Variants in RUNDC3B observed in about 807,000 individuals in gnomAD.
RUNDC3B encodes the protein RUN domain containing 3B.
A neutral mutation model predicts 58.4 loss-of-function variants in RUNDC3B; 33 were observed. The observed-to-expected ratio is 0.56, with a 90% confidence interval of 0.43 to 0.75. The LOEUF is 0.75. Among genes scored for constraint, RUNDC3B ranks in the 30% least tolerant of loss-of-function variants. The probability of loss-of-function intolerance (pLI) is 0.00; values close to 1 mark genes in which losing one functional copy is unlikely to be tolerated. For synonymous variants in RUNDC3B, 193 were observed against 195.2 expected (o/e 0.99, Z 0.10); for missense variants, 501 against 535.7 (o/e 0.94, Z 0.64).
At position 87,781,981 on chromosome 7, in the gene RUNDC3B, A is replaced by T. The variant is rs564206090; in HGVS notation, c.956+4026A>T. ...TGTCTTTCATTTTGGTATCAAGATG[A>T]TGCTGGCTTCCTAGAATGTGTTACA... On this transcript the variant is annotated intron_variant, in intron 8 of 10. Coordinates refer to ENST00000394654, the MANE Select transcript of RUNDC3B (RefSeq NM_001134405.2). 2.6e-5 allele frequency among the ~76,000 whole-genome samples: 4 copies of T among 152,160 alleles called. No homozygotes were observed. In the East Asian group the frequency reaches 5.8e-4, roughly 22 times the overall value.
At chr7:87,678,835 G>T (rs1030698631) in intron 2 of RUNDC3B, among the ~76,000 whole-genome samples, 1 of 152,076 alleles carries the variant, frequency 6.6e-6, no homozygotes, top group African/African-American at 2.4e-5. Flanking sequence ...GATAAAGTTG[G>T]ACATTTACAT....
intron 10 of RUNDC3B, among the ~76,000 whole-genome samples, chr7:87,822,068 G>T (rs1176088654): frequency 1.3e-5 from 2 of 152,058 alleles, no homozygotes; most frequent in Admixed American, 1.3e-4. Context: ...AAGAGCTTCT[G>T]CACAGCAAAA....
intron 7 of RUNDC3B, among the ~76,000 whole-genome samples, chr7:87,775,905 G>T (rs190985537): frequency 1.3e-5 from 2 of 152,272 alleles, no homozygotes; most frequent in East Asian, 3.9e-4. Flanking sequence ...TGGCAAAATT[G>T]CTTAGCAACA....
At chr7:87,800,749 T>C (rs1280117067) in intron 8 of RUNDC3B, among the ~76,000 whole-genome samples, 1 of 151,698 alleles carries the variant, frequency 6.6e-6, no homozygotes, top group African/African-American at 2.4e-5. Context: ...CAGGCTTAAG[T>C]GATCCTACCA....
At chr7:87,778,101 T>A (rs988281219) in intron 8 of RUNDC3B, 146 bp downstream of exon 8, 1 of 663,578 alleles carries the variant, frequency 1.5e-6, no homozygotes, top group Non-Finnish European at 2.5e-6. Context: ...TTTACTTATG[T>A]TCTTGTTATT....
At chr7:87,646,864 A>G (rs1336792198) in intron 1 of RUNDC3B, among the ~76,000 whole-genome samples, 1 of 152,172 alleles carries the variant, frequency 6.6e-6, no homozygotes, top group African/African-American at 2.4e-5. Flanking sequence ...TATGCATTAC[A>G]TCTGGCATTT....
At chr7:87,767,424 C>T (rs1229188742) in intron 6 of RUNDC3B, among the ~76,000 whole-genome samples, 1 of 152,168 alleles carries the variant, frequency 6.6e-6, no homozygotes, top group African/African-American at 2.4e-5. Flanking sequence ...TAGTTGCTTT[C>T]AGGAAGCCAA....
At chr7:87,810,197 CAG>C (rs1170507610) in intron 9 of RUNDC3B, among the ~76,000 whole-genome samples, 1 of 152,140 alleles carries the variant, frequency 6.6e-6, no homozygotes, top group Non-Finnish European at 1.5e-5. Flanking sequence ...TTAAGTTATA[CAG>C]AGTTTATCTG....
At chr7:87,822,652 C>T (rs866203418) in intron 10 of RUNDC3B, among the ~76,000 whole-genome samples, 55 of 152,156 alleles carry the variant, frequency 3.6e-4, no homozygotes, top group Middle Eastern at 3.4e-3. Context: ...TGTCCAACAA[C>T]AATAGACTGG....
At chr7:87,710,899 A>G (rs1830013304) in intron 4 of RUNDC3B, among the ~76,000 whole-genome samples, 1 of 152,174 alleles carries the variant, frequency 6.6e-6, no homozygotes, top group Non-Finnish European at 1.5e-5. Flanking sequence ...ATCATTTCTG[A>G]TTCATACTCT....
At chr7:87,693,923 G>A (rs778682767) in intron 2 of RUNDC3B, 1 of 1,609,368 alleles carries the variant, frequency 6.2e-7, no homozygotes, top group East Asian at 2.2e-5. Flanking sequence ...TCCCAAAGTT[G>A]CAGATGGCTG....
intron 6 of RUNDC3B, among the ~76,000 whole-genome samples, chr7:87,745,972 T>C (rs895809256): frequency 6.6e-6 from 1 of 152,204 alleles, no homozygotes; most frequent in African/African-American, 2.4e-5. Context: ...CCGCCTTTGC[T>C]GTATCCGAGA....
intron 8 of RUNDC3B, among the ~76,000 whole-genome samples, chr7:87,797,466 A>T (rs986990002): frequency 1.3e-5 from 2 of 152,196 alleles, no homozygotes; most frequent in Admixed American, 6.5e-5. Flanking sequence ...TTTAGTGATT[A>T]TAAGATCAGG....
chr7:87,712,952 A>G (rs190078910), intron 4 of RUNDC3B, among the ~76,000 whole-genome samples: 2 of 152,256 alleles, frequency 1.3e-5, no homozygotes, highest in African/African-American at 4.8e-5. Flanking sequence ...GAGTTATTTC[A>G]AAGTTTTTAT....
chr7:87,683,312 T>C (rs1381368026), intron 2 of RUNDC3B, among the ~76,000 whole-genome samples: 1 of 152,226 alleles, frequency 6.6e-6, no homozygotes. Context: ...ACTGGAATAG[T>C]ACTTTTAATT....
At chr7:87,662,056 G>C (rs1475566812) in intron 2 of RUNDC3B, among the ~76,000 whole-genome samples, 2 of 152,028 alleles carry the variant, frequency 1.3e-5, no homozygotes, top group Non-Finnish European at 2.9e-5. Context: ...GTCTTCTTTT[G>C]AGAAACATCT....
In RUNDC3B at chr7:87,715,341, TATAATAATTATATATAATTAATTTATA is replaced by T. The variant is rs1216100453; in HGVS notation, c.458+4692_458+4718del. Among the ~76,000 whole-genome samples the T allele has an allele frequency of 2.6e-3, 305 of 118,874 alleles. 4 individuals are homozygous for T. The East Asian group carries it at 0.049, about 19-fold the overall frequency. The allele number at this position is 118,874 out of a possible 152,430, so 78.0% of individuals were successfully genotyped here. ...TTATAATAATTATATATAATTAATTTATAATAATTATATATAATTAATTTATAATAATTATATAATCAATATAATATA... is the reference window on the plus strand; with the variant it reads ...TTATAATAATTATATATAATTAATTTATAATTATATAATCAATATAATATA... On this transcript the variant is annotated intron_variant, in intron 4 of 10. Coordinates refer to ENST00000394654, the MANE Select transcript of RUNDC3B (RefSeq NM_001134405.2).
At chr7:87,803,376 T>G (rs1836271832) in intron 8 of RUNDC3B, among the ~76,000 whole-genome samples, 1 of 152,206 alleles carries the variant, frequency 6.6e-6, no homozygotes, top group Non-Finnish European at 1.5e-5. Context: ...CAAATACACA[T>G]TCAGGTCAAA....
At chr7:87,635,697 G>A (rs1473654027) in intron 1 of RUNDC3B, among the ~76,000 whole-genome samples, 1 of 152,126 alleles carries the variant, frequency 6.6e-6, no homozygotes, top group African/African-American at 2.4e-5. Flanking sequence ...TTGTGGTAGG[G>A]CACAATGTTG....
Sources: gnomAD v4.1 joint callset for allele counts (sites outside exome capture counted in the v4.1 genomes callset) on GRCh38, gnomAD v4.1.1 for gene constraint, MANE v1.5 for transcripts, NCBI Gene and HGNC (gene_info 2026-07-23, HGNC 2026-07-21) for gene names.